The following ZNF385D variants were observed in gnomAD, a reference collection of about 807,000 sequenced individuals.
ZNF385D encodes zinc finger protein 385D, also known as zinc finger protein 659.
Under a neutral mutation model 35.8 loss-of-function variants are expected in ZNF385D, and 15 were observed. That is an observed-to-expected ratio of 0.42 (90% CI 0.28 to 0.64). The LOEUF is 0.64. Among genes scored for constraint, ZNF385D ranks in the 30% least tolerant of loss-of-function variants. The pLI is 0.23. For synonymous variants in ZNF385D, 212 were observed against 186.8 expected, an observed-to-expected ratio of 1.13 and a Z score of -1.10; for missense variants, 474 against 494.6, an observed-to-expected ratio of 0.96 and a Z score of 0.39.
At chr3:21,442,298 G>A (rs1409589339) in intron 4 of ZNF385D, among the ~76,000 whole-genome samples, 1 of 152,148 alleles carries the variant, frequency 6.6e-6, no homozygotes, top group African/African-American at 2.4e-5. Context: ...TCAGGTAACA[G>A]GGATTAGTGT....
At chr3:22,317,719 T>A (rs1487779433) in intron 2 of ZNF385D, among the ~76,000 whole-genome samples, 2 of 152,166 alleles carry the variant, frequency 1.3e-5, no homozygotes, top group Non-Finnish European at 2.9e-5. Flanking sequence ...AGTCTGTAAT[T>A]TTCCCCCATG....
chr3:21,435,700 A>G (rs1247898809), intron 5 of ZNF385D, among the ~76,000 whole-genome samples: 2 of 152,160 alleles, frequency 1.3e-5, no homozygotes, highest in Non-Finnish European at 2.9e-5. Context: ...TGGACTACCA[A>G]TGATGTTTAT....
At chr3:21,848,541 G>A (rs549818233) in intron 3 of ZNF385D, among the ~76,000 whole-genome samples, 3 of 151,750 alleles carry the variant, frequency 2.0e-5, no homozygotes, top group Non-Finnish European at 4.4e-5. Flanking sequence ...AATATCAGAA[G>A]TAAAAAGGAG....
chr3:22,324,567 T>C (rs1694587819), intron 2 of ZNF385D, among the ~76,000 whole-genome samples: 1 of 152,170 alleles, frequency 6.6e-6, no homozygotes, highest in South Asian at 2.1e-4. Context: ...AGATATTTCA[T>C]TATCCTATGA....
In ZNF385D at chr3:22,128,218, C is replaced by T. The variant is rs555634764; in HGVS notation, c.325+40599G>A. 5.6e-4 allele frequency among the ~76,000 whole-genome samples: 86 copies of T among 152,296 alleles called. No homozygotes were observed. The Middle Eastern group carries it at 0.01, about 18-fold the overall frequency. ...AGTATATCATGCCACTCCCTCCTAA[C>T]CTGTAAGGTTTGCATTGAGAAATCT... is the stretch of plus-strand genomic sequence containing the variant. On this transcript the variant is annotated intron_variant, in intron 3 of 5. Coordinates refer to the ZNF385D transcript ENST00000494108.
intron 3 of ZNF385D, among the ~76,000 whole-genome samples, chr3:22,104,520 C>T (rs958864303): frequency 6.6e-6 from 1 of 151,970 alleles, no homozygotes; most frequent in Non-Finnish European, 1.5e-5. Context: ...ATTTTACAAC[C>T]ACATGATTTT....
chr3:21,424,108 G>T, intron 6 of ZNF385D, 44 bp from the exon 7 acceptor site: 3 of 1,494,680 alleles, frequency 2.0e-6, no homozygotes, highest in African/African-American at 1.4e-5. Flanking sequence ...AAAATCATCT[G>T]CAAAAACCTC....
chr3:22,094,385 G>GAGATACATATATAT (rs1491256865), intron 3 of ZNF385D, among the ~76,000 whole-genome samples: 5 of 70,828 alleles, frequency 7.1e-5, no homozygotes, highest in African/African-American at 2.2e-4. Flanking sequence ...ATTTATTGTT[G>GAGATACATATATAT]ATATATATAT....
intron 3 of ZNF385D, among the ~76,000 whole-genome samples, chr3:22,009,478 C>A (rs887285381): frequency 3.3e-5 from 5 of 151,826 alleles, no homozygotes; most frequent in Non-Finnish European, 5.9e-5. Context: ...CAAAAATTAG[C>A]CGGGCGTGGT....
chr3:22,314,093 CTT>C (rs1274587864), intron 2 of ZNF385D, among the ~76,000 whole-genome samples: 2 of 152,064 alleles, frequency 1.3e-5, no homozygotes, highest in Non-Finnish European at 2.9e-5. Flanking sequence ...CCTAAAGACA[CTT>C]TACTTTTTTA....
At chr3:21,544,645 A>G (rs2062307671) in intron 3 of ZNF385D, among the ~76,000 whole-genome samples, 1 of 152,246 alleles carries the variant, frequency 6.6e-6, no homozygotes, top group Non-Finnish European at 1.5e-5. Context: ...CAAATTGAGC[A>G]TTGAAATACA....
intron 1 of ZNF385D, among the ~76,000 whole-genome samples, chr3:21,734,990 C>T: frequency 6.6e-6 from 1 of 152,160 alleles, no homozygotes; most frequent in East Asian, 1.9e-4. Context: ...TGATTTATTG[C>T]TCCAACAAGT....
At chr3:22,108,740 C>G (rs1702355999) in intron 3 of ZNF385D, among the ~76,000 whole-genome samples, 2 of 152,140 alleles carry the variant, frequency 1.3e-5, no homozygotes, top group African/African-American at 4.8e-5. Flanking sequence ...AGGCTAGGTG[C>G]AGTGGCTCAT....
intron 3 of ZNF385D, among the ~76,000 whole-genome samples, chr3:22,048,672 G>GT (rs1345642806): frequency 1.3e-5 from 2 of 152,112 alleles, no homozygotes; most frequent in Non-Finnish European, 2.9e-5. Flanking sequence ...TTGAAATCAG[G>GT]TAATGTGATG....
chr3:22,072,171 T>C (rs917835145), intron 3 of ZNF385D, among the ~76,000 whole-genome samples: 2 of 152,194 alleles, frequency 1.3e-5, no homozygotes, highest in East Asian at 3.9e-4. Context: ...GTTAGTTTTA[T>C]AGAAAGTGAC....
intron 3 of ZNF385D, among the ~76,000 whole-genome samples, chr3:21,970,672 T>C (rs1703192145): frequency 6.6e-6 from 1 of 151,868 alleles, no homozygotes; most frequent in African/African-American, 2.4e-5. Flanking sequence ...TAGAGAACTT[T>C]CCAAACCTAG....
chr3:21,659,731 C>T (rs1289528993), intron 2 of ZNF385D, among the ~76,000 whole-genome samples: 1 of 152,132 alleles, frequency 6.6e-6, no homozygotes, highest in Non-Finnish European at 1.5e-5. Flanking sequence ...ACTGAATCCT[C>T]AGGGCCTAAC....
At chr3:22,115,570 T>C (rs1373480441) in intron 3 of ZNF385D, among the ~76,000 whole-genome samples, 2 of 152,086 alleles carry the variant, frequency 1.3e-5, no homozygotes, top group Non-Finnish European at 2.9e-5. Flanking sequence ...TAATTAATAA[T>C]GGCAAAGATA....
At chr3:22,342,665 C>T (rs890047591) in intron 2 of ZNF385D, among the ~76,000 whole-genome samples, 3 of 152,296 alleles carry the variant, frequency 2.0e-5, no homozygotes, top group Admixed American at 2.0e-4. Context: ...AAAACAGAAG[C>T]AGTGCTGAAC....
Sources: allele counts gnomAD v4.1 joint callset (sites outside exome capture counted in the v4.1 genomes callset), GRCh38; gene constraint gnomAD v4.1.1; transcripts MANE v1.5; gene names NCBI Gene and HGNC (gene_info 2026-07-23, HGNC 2026-07-21).